The following SOX5 variants were observed in gnomAD, a reference collection of about 807,000 sequenced individuals.
SOX5 encodes the protein SRY-box transcription factor 5.
Under a neutral mutation model 92.0 loss-of-function variants are expected in SOX5, and 9 were observed. The observed-to-expected ratio is 0.10, with a 90% confidence interval of 0.06 to 0.17. SOX5 has a LOEUF of 0.17. SOX5 is among the 10% of genes least tolerant of loss of function. The pLI, the probability that SOX5 is intolerant of heterozygous loss-of-function variation, is 1.00. For missense variants in SOX5, 642 were observed against 944.5 expected, an observed-to-expected ratio of 0.68 and a Z score of 4.20; for synonymous variants, 344 against 336.3, an observed-to-expected ratio of 1.02 and a Z score of -0.25.
intron 9 of SOX5, among the ~76,000 whole-genome samples, chr12:23,581,513 T>A (rs1471607547): frequency 3.3e-5 from 5 of 152,134 alleles, no homozygotes; most frequent in Non-Finnish European, 5.9e-5. Flanking sequence ...AATCAAAATT[T>A]ATTTGGCAGT....
intron 4 of SOX5, among the ~76,000 whole-genome samples, chr12:24,009,326 TTG>T (rs1417059734): frequency 6.6e-6 from 1 of 152,184 alleles, no homozygotes; most frequent in Admixed American, 6.5e-5. Flanking sequence ...GAATTGGGTA[TTG>T]TGTGGAAAGA....
chr12:24,416,443 T>A lies in SOX5; in HGVS notation c.-250-47804A>T, dbSNP rs1235569727. Among the ~76,000 whole-genome samples, 5 of 152,282 alleles carry A rather than the reference T, an allele frequency of 3.3e-5. No homozygotes were observed. The East Asian group carries it at 9.7e-4, about 29-fold the overall frequency. ...GTATCTCAGCATCAGCAAACTAACATCTGAAATGTCATTGTTGAAGCCACA... is the reference window on the plus strand; with the variant it reads ...GTATCTCAGCATCAGCAAACTAACAACTGAAATGTCATTGTTGAAGCCACA... On this transcript the variant is annotated intron_variant, in intron 1 of 4. Coordinates refer to the SOX5 transcript ENST00000446891.
intron 2 of SOX5, among the ~76,000 whole-genome samples, chr12:24,352,145 A>G (rs1487382613): frequency 6.6e-6 from 1 of 152,246 alleles, no homozygotes; most frequent in Non-Finnish European, 1.5e-5. Context: ...TGAGCTTAGG[A>G]TAGCAATGAA....
intron 11 of SOX5, among the ~76,000 whole-genome samples, chr12:23,562,415 C>T (rs1171628730): frequency 6.6e-6 from 1 of 152,206 alleles, no homozygotes; most frequent in African/African-American, 2.4e-5. Context: ...TCTGCTCATT[C>T]TGGACAAGTC....
chr12:24,044,570 A>T (rs1956821660), intron 4 of SOX5, among the ~76,000 whole-genome samples: 1 of 152,220 alleles, frequency 6.6e-6, no homozygotes, highest in Non-Finnish European at 1.5e-5. Flanking sequence ...CCATCTCCAC[A>T]TGATACTCCT....
chr12:23,708,503 A>G (rs2091696645), intron 6 of SOX5, among the ~76,000 whole-genome samples: 1 of 152,172 alleles, frequency 6.6e-6, no homozygotes, highest in Non-Finnish European at 1.5e-5. Context: ...AATTTTGTAG[A>G]GAGTCAGTAG....
At chr12:24,080,774 A>G (rs1413913838) in intron 4 of SOX5, among the ~76,000 whole-genome samples, 8 of 151,944 alleles carry the variant, frequency 5.3e-5, no homozygotes, top group Admixed American at 5.3e-4. Flanking sequence ...ATGCAGAGTG[A>G]GCACAAATAT....
chr12:24,341,158 G>A (rs551090710), intron 2 of SOX5, among the ~76,000 whole-genome samples: 30 of 152,302 alleles, frequency 2.0e-4, no homozygotes, highest in African/African-American at 6.0e-4. Context: ...GATAAGGTAA[G>A]TGGGAGTAAA....
intron 5 of SOX5, among the ~76,000 whole-genome samples, chr12:23,735,115 G>T (rs1593823265): frequency 1.3e-5 from 2 of 152,138 alleles, no homozygotes; most frequent in African/African-American, 2.4e-5. Flanking sequence ...AATGGAGAAG[G>T]GGAGGTTTAA....
rs11836929 is a variant in SOX5 at position 24,372,687 on chromosome 12, T to C, written c.-250-4048A>G. ...GTCAAATTGTATTTCTAGTTCTAGA[T>C]CCTTGAGGAATCACCACACTGTCTT... On this transcript the variant is annotated intron_variant, in intron 1 of 4. Coordinates refer to the SOX5 transcript ENST00000446891. 2.4e-3 allele frequency among the ~76,000 whole-genome samples: 372 copies of C among 152,276 alleles called. 4 individuals are homozygous for C. The highest frequency in any genetic ancestry group is 8.4e-3 in the African/African-American group (349 of 41,558).
intron 4 of SOX5, among the ~76,000 whole-genome samples, chr12:24,178,466 G>A (rs1955088516): frequency 6.6e-6 from 1 of 152,110 alleles, no homozygotes; most frequent in African/African-American, 2.4e-5. Flanking sequence ...CTCAGCTTCT[G>A]CCTGGAGTTC....
At chr12:24,264,849 G>C (rs1942779878) in intron 3 of SOX5, among the ~76,000 whole-genome samples, 1 of 152,198 alleles carries the variant, frequency 6.6e-6, no homozygotes, top group Non-Finnish European at 1.5e-5. Flanking sequence ...AACGGATGAT[G>C]TCTATTATAA....
At chr12:24,276,973 A>G (rs1268804610) in intron 3 of SOX5, among the ~76,000 whole-genome samples, 2 of 152,110 alleles carry the variant, frequency 1.3e-5, no homozygotes, top group Non-Finnish European at 2.9e-5. Context: ...AAGAAAAGAA[A>G]AGAAATGTTG....
intron 2 of SOX5, among the ~76,000 whole-genome samples, chr12:23,864,244 T>C (rs993989231): frequency 1.1e-4 from 17 of 152,144 alleles, no homozygotes; most frequent in African/African-American, 2.7e-4. Context: ...GACTACACCA[T>C]TGACTGCTAT....
chr12:24,454,104 G>A (rs7306102), intron 1 of SOX5, among the ~76,000 whole-genome samples: 143,137 of 152,288 alleles, frequency 0.94, 67,328 homozygotes, highest in East Asian at 0.99. Context: ...TTCTTCATTC[G>A]TTCTCTTGTT....
chr12:23,567,305 T>G (rs899713408), intron 10 of SOX5, among the ~76,000 whole-genome samples: 1 of 152,132 alleles, frequency 6.6e-6, no homozygotes, highest in Admixed American at 6.6e-5. Context: ...AGGAGAGGTT[T>G]GGTGAACCTC....
chr12:23,811,708 T>A (rs1322297351), intron 3 of SOX5, among the ~76,000 whole-genome samples: 1 of 152,090 alleles, frequency 6.6e-6, no homozygotes, highest in Admixed American at 6.6e-5. Context: ...AAGAAGAGCA[T>A]GATTTAAAAT....
At chr12:23,890,776 C>T (rs1595415374) in intron 2 of SOX5, among the ~76,000 whole-genome samples, 2 of 150,774 alleles carry the variant, frequency 1.3e-5, no homozygotes, top group South Asian at 4.2e-4. Flanking sequence ...TTGCTTGTCT[C>T]TGAAATTTTG....
chr12:24,411,387 G>T, intron 1 of SOX5, among the ~76,000 whole-genome samples: 1 of 152,086 alleles, frequency 6.6e-6, no homozygotes. Flanking sequence ...CCTTGACCTT[G>T]TTCCTGATCT....
Sources: gnomAD v4.1 joint callset for allele counts (sites outside exome capture counted in the v4.1 genomes callset) on GRCh38, gnomAD v4.1.1 for gene constraint, MANE v1.5 for transcripts, NCBI Gene and HGNC (gene_info 2026-07-23, HGNC 2026-07-21) for gene names.